TCF7: variants seen among roughly 807,000 people sequenced by gnomAD.
The protein encoded by TCF7 is T-cell-factor-7.
In TCF7, 19 loss-of-function variants were observed where a neutral mutation model predicts 46.8. That is an observed-to-expected ratio of 0.41 (90% confidence interval 0.28 to 0.60). The LOEUF (loss-of-function observed/expected upper bound fraction) is 0.60, where lower values mean the gene tolerates loss of function less well. TCF7 is among the 20% of genes least tolerant of loss of function. The pLI, the probability that TCF7 is intolerant of heterozygous loss-of-function variation, is 0.35. For missense variants in TCF7, 547 were observed against 504.6 expected (o/e 1.08, Z -0.81); for synonymous variants, 245 against 213.4 (o/e 1.15, Z -1.29).
chr5:134,118,410 G>A (rs1461430690), intron 3 of TCF7, among the ~76,000 whole-genome samples: 1 of 152,206 alleles, frequency 6.6e-6, no homozygotes, highest in Non-Finnish European at 1.5e-5. Context: ...TATGCTGAGA[G>A]GCTTGAGGCC....
chr5:134,126,226 G>A (rs1408664555), intron 3 of TCF7, among the ~76,000 whole-genome samples: 8 of 152,188 alleles, frequency 5.3e-5, no homozygotes, highest in African/African-American at 1.2e-4. Context: ...AGGTCCAGGC[G>A]GGCTGGCCAC....
chr5:134,138,033 C>T, intron 3 of TCF7, 26 bp from the exon 4 acceptor site: 1 of 1,551,508 alleles, frequency 6.4e-7, no homozygotes, highest in South Asian at 1.2e-5. Flanking sequence ...TCGCCACACT[C>T]ACCCACCCTC....
At chr5:134,108,265 A>C in the TCF7 span, among the ~76,000 whole-genome samples, 1 of 152,222 alleles carries the variant, frequency 6.6e-6, no homozygotes. Flanking sequence ...CTGAAGAAAC[A>C]CATTGGACCA....
intron 3 of TCF7, among the ~76,000 whole-genome samples, chr5:134,132,432 G>A (rs1758255978): frequency 6.6e-6 from 1 of 152,178 alleles, no homozygotes; most frequent in Admixed American, 6.5e-5. Context: ...TCTCTTGGGG[G>A]GCTGTTTCTG....
intron 5 of TCF7, 53 bp downstream of exon 5, chr5:134,139,091 C>T (rs1246968757): frequency 6.3e-7 from 1 of 1,596,790 alleles, no homozygotes; most frequent in Non-Finnish European, 8.5e-7. Context: ...AGACCAAGAC[C>T]TGCCTGCCCT....
intron 2 of TCF7, 169 bp from the exon 3 acceptor site, chr5:134,115,740 C>T: frequency 6.9e-7 from 1 of 1,447,244 alleles, no homozygotes; most frequent in East Asian, 2.5e-5. Flanking sequence ...GCCTGCCCTC[C>T]AGGTCCTTCC....
At position 134,114,975 on chromosome 5, in the gene TCF7, G is replaced by C; in HGVS notation, c.69G>C (p.Leu23=). 13 of 1,203,482 alleles carry C rather than the reference G, an allele frequency of 1.1e-5. No individual in the cohort carries two copies. The highest frequency in any genetic ancestry group is 1.4e-5 in the Non-Finnish European group (13 of 944,898). The allele number at this position is 1,203,482 out of a possible 1,614,324, so 74.6% of individuals were successfully genotyped here. Residue 23 remains leucine, a synonymous_variant, in exon 1 of 10, where the codon CTG becomes CTC. Transcript: ENST00000342854. ...GGDDLGAPDE[L]LAFQDEGEEQ... is the part of the protein sequence containing the mutation. Reference sequence around the variant, plus strand: ...ACGACCTCGGCGCGCCGGACGAGCTGCTGGCCTTCCAGGATGAAGGCGAGG... The same window carrying C: ...ACGACCTCGGCGCGCCGGACGAGCTCCTGGCCTTCCAGGATGAAGGCGAGG...
At chr5:134,132,003 A>G (rs1758191626) in intron 3 of TCF7, among the ~76,000 whole-genome samples, 1 of 152,218 alleles carries the variant, frequency 6.6e-6, no homozygotes, top group Non-Finnish European at 1.5e-5. Context: ...TAAAACTTGG[A>G]GCATTTTTCA....
At chr5:134,146,122 C>T (rs748428931) in intron 9 of TCF7, 102 bp from the exon 10 acceptor site, 34 of 1,609,036 alleles carry the variant, frequency 2.1e-5, no homozygotes, top group Middle Eastern at 1.7e-4. Flanking sequence ...GAAGAGAGGA[C>T]AAGGAATCAG....
At chr5:134,115,674 G>T in intron 2 of TCF7, 1 of 1,432,488 alleles carries the variant, frequency 7.0e-7, no homozygotes, top group South Asian at 1.5e-5. Context: ...AATTGGCCAA[G>T]GTTTCTTGGT....
At chr5:134,132,307 A>T (rs117183309) in intron 3 of TCF7, among the ~76,000 whole-genome samples, 1 of 152,306 alleles carries the variant, frequency 6.6e-6, no homozygotes, top group East Asian at 1.9e-4. Context: ...TACTCCGCTC[A>T]CATTAGCACA....
At chr5:134,116,224 G>A in intron 3 of TCF7, 191 bp downstream of exon 3, 1 of 1,303,340 alleles carries the variant, frequency 7.7e-7, no homozygotes, top group Non-Finnish European at 1.0e-6. Context: ...GGCCGCCCTG[G>A]GGCACCCCCC....
chr5:134,133,408 A>G (rs762056437), intron 3 of TCF7, among the ~76,000 whole-genome samples: 1 of 152,126 alleles, frequency 6.6e-6, no homozygotes, highest in Non-Finnish European at 1.5e-5. Context: ...CACAGTCACC[A>G]TCAGGGAGAG....
chr5:134,120,571 T>C (rs1756431001), intron 3 of TCF7, among the ~76,000 whole-genome samples: 1 of 152,128 alleles, frequency 6.6e-6, no homozygotes. Flanking sequence ...ACCCCAGGAC[T>C]CTTGCACTGC....
At chr5:134,124,293 G>A (rs921974943) in intron 3 of TCF7, among the ~76,000 whole-genome samples, 14 of 152,180 alleles carry the variant, frequency 9.2e-5, no homozygotes, top group East Asian at 7.7e-4. Context: ...CTGGGAAACC[G>A]CCTTCCTCCC....
rs1760870227 is a variant in TCF7, at chr5:134,147,729, A to G, written c.*1426A>G. Reference sequence around the variant, plus strand: ...GGTGGCTCACGCCTGTAATCCCAGCACTTTGGCAGGCCGAGGCAGGTGGAT... The same window carrying G: ...GGTGGCTCACGCCTGTAATCCCAGCGCTTTGGCAGGCCGAGGCAGGTGGAT... On this transcript the variant is annotated 3_prime_UTR_variant, in exon 10 of 10. Coordinates refer to ENST00000342854, the MANE Select transcript of TCF7 (RefSeq NM_003202.5). 6.6e-6 allele frequency: 1 copy of G among 152,300 alleles called. No homozygotes were observed. The highest frequency in any genetic ancestry group is 1.5e-5 in the Non-Finnish European group (1 of 68,038). The allele number at this position is 152,300 out of a possible 1,614,324, so 9.4% of individuals were successfully genotyped here.
chr5:134,143,303 CAT>C (rs1760153069), intron 8 of TCF7: 1 of 764,156 alleles, frequency 1.3e-6, no homozygotes, highest in Non-Finnish European at 2.3e-6. Context: ...TATGCTCACA[CAT>C]GAGCTGTTAC....
In TCF7 at chr5:134,114,764, C is replaced by A. The variant is rs1443421349; in HGVS notation, c.-143C>A. Reference sequence around the variant, plus strand: ...CGCGCCCTAGCCCGCGCCTGCAGCCCGCCCAGGCGGAGTCAGCCCGCGCTC... The same window carrying A: ...CGCGCCCTAGCCCGCGCCTGCAGCCAGCCCAGGCGGAGTCAGCCCGCGCTC... On this transcript the variant is annotated 5_prime_UTR_variant, in exon 1 of 10. Coordinates refer to ENST00000342854, the MANE Select transcript of TCF7 (RefSeq NM_003202.5). 8 of 835,314 alleles carry A rather than the reference C, an allele frequency of 9.6e-6. No individual in the cohort carries two copies. The highest frequency in any genetic ancestry group is 1.2e-5 in the Non-Finnish European group (8 of 694,682). The allele number at this position is 835,314 out of a possible 1,614,324, so 51.7% of individuals were successfully genotyped here.
At chr5:134,130,190 G>A (rs1411273904) in intron 3 of TCF7, among the ~76,000 whole-genome samples, 1 of 152,250 alleles carries the variant, frequency 6.6e-6, no homozygotes, top group African/African-American at 2.4e-5. Flanking sequence ...TGCAGAGATG[G>A]GGTCTGCGAA....
Sources: gnomAD v4.1 joint callset for allele counts (sites outside exome capture counted in the v4.1 genomes callset) on GRCh38, gnomAD v4.1.1 for gene constraint, MANE v1.5 for transcripts, NCBI Gene and HGNC (gene_info 2026-07-23, HGNC 2026-07-21) for gene names.